The following QTMAN variants were observed in gnomAD, a reference collection of about 807,000 sequenced individuals.
The protein encoded by QTMAN is tRNA-queuosine alpha-mannosyltransferase.
At chr2:144,268,105 G>A in the QTMAN span, among the ~76,000 whole-genome samples, 5 of 152,250 alleles carry the variant, frequency 3.3e-5, no homozygotes, top group Middle Eastern at 3.4e-3. Context: ...CTCATGAATG[G>A]CTTGGGGGTG....
the QTMAN span, among the ~76,000 whole-genome samples, chr2:144,015,135 A>C: frequency 7.6e-4 from 116 of 152,316 alleles, 1 homozygote; most frequent in East Asian, 0.017. Context: ...TATGAGAATA[A>C]GAAAAGCTAC....
the QTMAN span, among the ~76,000 whole-genome samples, chr2:144,189,980 A>G: frequency 6.6e-6 from 1 of 152,194 alleles, no homozygotes; most frequent in South Asian, 2.1e-4. Flanking sequence ...ATTTTATAGT[A>G]AATGTATTTT....
chr2:144,169,730 T>C, the QTMAN span, among the ~76,000 whole-genome samples: 1 of 152,120 alleles, frequency 6.6e-6, no homozygotes, highest in Non-Finnish European at 1.5e-5. Flanking sequence ...TTTGATTGCA[T>C]GGGTTTTAAA....
the QTMAN span, among the ~76,000 whole-genome samples, chr2:144,078,395 CA>C: frequency 6.6e-6 from 1 of 152,190 alleles, no homozygotes; most frequent in Non-Finnish European, 1.5e-5. Flanking sequence ...CCTTCTGTTA[CA>C]AAGGGAGAGA....
chr2:144,213,560 T>C, the QTMAN span, among the ~76,000 whole-genome samples: 5 of 152,296 alleles, frequency 3.3e-5, no homozygotes, highest in South Asian at 1.0e-3. Flanking sequence ...TGTATTAATA[T>C]ATTCCATAGA....
At chr2:144,101,391 C>T in the QTMAN span, among the ~76,000 whole-genome samples, 2 of 127,634 alleles carry the variant, frequency 1.6e-5, no homozygotes, top group Non-Finnish European at 3.3e-5. Flanking sequence ...GTCTATCTCT[C>T]TCTCACACAC....
the QTMAN span, among the ~76,000 whole-genome samples, chr2:144,133,470 AT>A: frequency 2.6e-3 from 178 of 67,932 alleles, no homozygotes; most frequent in African/African-American, 9.8e-3. Flanking sequence ...TATATTATAT[AT>A]TATATAATAT....
the QTMAN span, among the ~76,000 whole-genome samples, chr2:144,332,043 GC>G: frequency 6.6e-6 from 1 of 152,262 alleles, no homozygotes; most frequent in South Asian, 2.1e-4. Flanking sequence ...AGGGCGACGT[GC>G]CCCCACCCGT....
the QTMAN span, among the ~76,000 whole-genome samples, chr2:144,063,667 A>G: frequency 6.6e-6 from 1 of 152,242 alleles, no homozygotes; most frequent in Non-Finnish European, 1.5e-5. Context: ...GCTAAGTAAC[A>G]AAATAAAACA....
At chr2:143,951,895 G>A in the QTMAN span, 6 of 693,490 alleles carry the variant, frequency 8.7e-6, no homozygotes, top group Admixed American at 4.7e-5. Context: ...TTAAACATTA[G>A]TATGTTAATT....
At chr2:144,250,885 TTC>T in the QTMAN span, among the ~76,000 whole-genome samples, 1 of 152,144 alleles carries the variant, frequency 6.6e-6, no homozygotes, top group Admixed American at 6.5e-5. Context: ...TAGTTATCTT[TTC>T]TTTCTTAGTA....
the QTMAN span, among the ~76,000 whole-genome samples, chr2:144,135,516 C>A: frequency 6.6e-6 from 1 of 152,124 alleles, no homozygotes; most frequent in East Asian, 1.9e-4. Flanking sequence ...TTCATTTTTT[C>A]TATCAAAATT....
the QTMAN span, among the ~76,000 whole-genome samples, chr2:144,019,859 T>C: frequency 6.6e-6 from 1 of 152,290 alleles, no homozygotes; most frequent in Non-Finnish European, 1.5e-5. Flanking sequence ...AGAGCCTTTC[T>C]CTGGAAACTA....
chr2:144,097,209 A>T, the QTMAN span, among the ~76,000 whole-genome samples: 31 of 152,330 alleles, frequency 2.0e-4, no homozygotes, highest in African/African-American at 7.5e-4. Flanking sequence ...TGTTCACAGT[A>T]TTATGTTCTA....
the QTMAN span, among the ~76,000 whole-genome samples, chr2:143,959,097 G>A: frequency 6.6e-6 from 1 of 151,850 alleles, no homozygotes; most frequent in Non-Finnish European, 1.5e-5. Context: ...CACCAACTAT[G>A]TCCTTAGTAT....
the QTMAN span, among the ~76,000 whole-genome samples, chr2:144,051,789 A>G: frequency 6.6e-6 from 1 of 152,126 alleles, no homozygotes; most frequent in Admixed American, 6.5e-5. Flanking sequence ...ACGAAACTAC[A>G]AGAATGGGCA....
At chr2:144,174,147 T>C in the QTMAN span, among the ~76,000 whole-genome samples, 1 of 152,212 alleles carries the variant, frequency 6.6e-6, no homozygotes, top group East Asian at 1.9e-4. Flanking sequence ...CATGTGTTAA[T>C]CTGAATAATC....
chr2:144,066,432 T>C, the QTMAN span, among the ~76,000 whole-genome samples: 65 of 152,330 alleles, frequency 4.3e-4, 1 homozygote, highest in African/African-American at 1.3e-3. Context: ...AAACATTACA[T>C]TTAGCCAATT....
the QTMAN span, chr2:144,007,599 C>A: frequency 6.5e-6 from 7 of 1,070,488 alleles, no homozygotes; most frequent in Non-Finnish European, 9.3e-6. Context: ...TTGTCCTTTA[C>A]CTTCCTGTAA....
Sources: gnomAD v4.1 joint callset for allele counts (sites outside exome capture counted in the v4.1 genomes callset) on GRCh38, gnomAD v4.1.1 for gene constraint, MANE v1.5 for transcripts, NCBI Gene and HGNC (gene_info 2026-07-23, HGNC 2026-07-21) for gene names.